The following CPPED1 variants were observed in gnomAD, a reference collection of about 807,000 sequenced individuals.
CPPED1 encodes the protein serine/threonine-protein phosphatase CPPED1.
CPPED1 carries 28 observed loss-of-function variants against 28.0 expected under a neutral mutation model. That is an observed-to-expected ratio of 1.00 (90% CI 0.74 to 1.37). The LOEUF is 1.37. Among genes scored for constraint, CPPED1 ranks in the 40% most tolerant of loss-of-function variants. The pLI is 0.00. For missense variants in CPPED1, 504 were observed against 416.5 expected, an observed-to-expected ratio of 1.21 and a Z score of -1.83; for synonymous variants, 198 against 180.2, an observed-to-expected ratio of 1.10 and a Z score of -0.79.
Position 12,734,300 on chromosome 16 carries a change from C to A in CPPED1, c.290-29251G>T, listed in dbSNP as rs144010394. Among the ~76,000 whole-genome samples the A allele has an allele frequency of 7.9e-3, 1,207 of 152,112 alleles. 19 individuals carry two copies. Among genetic ancestry groups the A allele is most frequent in the African/African-American group, 0.027 (1,132 of 41,488 alleles). On this transcript the variant is annotated intron_variant, in intron 2 of 3. Transcript: ENST00000381774. ...GGCCAGCCTGATCTCGAACTCCTGG[C>A]CTCAAGTGATCTGCCCACCTCGGCC... is the stretch of plus-strand genomic sequence containing the variant.
chr16:12,782,854 G>A (rs1445685074), intron 1 of CPPED1, among the ~76,000 whole-genome samples: 12 of 152,056 alleles, frequency 7.9e-5, no homozygotes, highest in African/African-American at 1.2e-4. Flanking sequence ...CTGGGTGACA[G>A]AATGAGACTC....
intron 2 of CPPED1, among the ~76,000 whole-genome samples, chr16:12,734,422 C>T (rs2080216322): frequency 1.3e-5 from 2 of 151,944 alleles, no homozygotes; most frequent in South Asian, 2.1e-4. Flanking sequence ...TCTTGTCGCC[C>T]AGGCTGGAGT....
rs189564142 is a variant in CPPED1 at position 12,669,022 on chromosome 16, G to A, written c.716-3907C>T. 3.7e-4 allele frequency among the ~76,000 whole-genome samples: 56 copies of A among 152,350 alleles called. 1 individual carries two copies. The highest frequency in any genetic ancestry group is 1.1e-3 in the African/African-American group (45 of 41,570). ...AAAACATTTGCCCATGCAAAAACTT[G>A]TAGGTGAGTGTTCCTAGCAGCATTT... On this transcript the variant is annotated intron_variant, in intron 3 of 3. Coordinates refer to ENST00000381774, the MANE Select transcript of CPPED1 (RefSeq NM_018340.3).
chr16:12,738,017 G>T (rs923164567), intron 2 of CPPED1, among the ~76,000 whole-genome samples: 40 of 152,188 alleles, frequency 2.6e-4, no homozygotes, highest in Non-Finnish European at 1.5e-4. Context: ...TGGTTAACAC[G>T]GTACCCGACG....
chr16:12,665,234 G>C (rs2079819309), intron 3 of CPPED1, 119 bp from the exon 4 acceptor site: 2 of 826,852 alleles, frequency 2.4e-6, no homozygotes, highest in Non-Finnish European at 3.5e-6. Context: ...CCATCATGTA[G>C]AATTATCATA....
chr16:12,787,241 A>T (rs1204005006), intron 1 of CPPED1, among the ~76,000 whole-genome samples: 1 of 152,206 alleles, frequency 6.6e-6, no homozygotes, highest in Non-Finnish European at 1.5e-5. Flanking sequence ...TTTCTGACCC[A>T]GATGATATCA....
chr16:12,769,627 G>A (rs971241695), intron 2 of CPPED1, among the ~76,000 whole-genome samples: 1 of 152,198 alleles, frequency 6.6e-6, no homozygotes, highest in Non-Finnish European at 1.5e-5. Context: ...GGGCGGCATT[G>A]TCACTGATTG....
chr16:12,774,891 G>A (rs976406124), intron 2 of CPPED1, among the ~76,000 whole-genome samples: 2 of 152,090 alleles, frequency 1.3e-5, no homozygotes, highest in African/African-American at 2.4e-5. Flanking sequence ...GCATGATCAC[G>A]GCTCACTGAA....
At chr16:12,766,242 A>AATATATATATATATATATATATAT (rs71393703) in intron 2 of CPPED1, among the ~76,000 whole-genome samples, 12 of 126,612 alleles carry the variant, frequency 9.5e-5, no homozygotes, top group African/African-American at 3.7e-4. Flanking sequence ...AAAAAATACA[A>AATATATATATATATATATATATAT]ATATATATAT....
At chr16:12,794,562 C>T (rs1367902700) in intron 1 of CPPED1, among the ~76,000 whole-genome samples, 1 of 149,962 alleles carries the variant, frequency 6.7e-6, no homozygotes, top group Non-Finnish European at 1.5e-5. Context: ...ATGCTTGGGA[C>T]CAGAAGAGTT....
chr16:12,799,863 A>G (rs572954851), intron 1 of CPPED1, among the ~76,000 whole-genome samples: 44 of 152,332 alleles, frequency 2.9e-4, no homozygotes, highest in Non-Finnish European at 5.1e-4. Context: ...CACAGAGGAG[A>G]TCAAGTGCTG....
At chr16:12,746,236 GT>G (rs1484614224) in intron 2 of CPPED1, among the ~76,000 whole-genome samples, 1 of 152,086 alleles carries the variant, frequency 6.6e-6, no homozygotes, top group Non-Finnish European at 1.5e-5. Flanking sequence ...TGACCTGGGT[GT>G]GGTGGCACAC....
intron 1 of CPPED1, among the ~76,000 whole-genome samples, chr16:12,786,480 T>C (rs1194780403): frequency 1.3e-5 from 2 of 152,216 alleles, no homozygotes; most frequent in African/African-American, 4.8e-5. Flanking sequence ...TGGTTTTGCA[T>C]ACTTCTCTGG....
At chr16:12,747,133 T>C (rs1018225397) in intron 2 of CPPED1, among the ~76,000 whole-genome samples, 14 of 149,934 alleles carry the variant, frequency 9.3e-5, no homozygotes, top group Non-Finnish European at 1.8e-4. Flanking sequence ...ATTCTACCAA[T>C]AGAAATATCA....
In CPPED1 at chr16:12,714,552, T is replaced by C. The variant is rs149910034; in HGVS notation, c.290-9503A>G. On this transcript the variant is annotated intron_variant, in intron 2 of 3. Transcript: ENST00000381774. Reference sequence around the variant, plus strand: ...CATAATGACTAATGATGCTAAACATTTGTTGTTGTGCTTACTGGCAATTTT... The same window carrying C: ...CATAATGACTAATGATGCTAAACATCTGTTGTTGTGCTTACTGGCAATTTT... Among the ~76,000 whole-genome samples, 320 of 152,338 alleles carry C rather than the reference T, an allele frequency of 2.1e-3. 2 individuals are homozygous for C. The highest frequency in any genetic ancestry group is 7.4e-3 in the African/African-American group (307 of 41,572).
chr16:12,686,130 G>C (rs2079931604), intron 3 of CPPED1, among the ~76,000 whole-genome samples: 1 of 152,190 alleles, frequency 6.6e-6, no homozygotes, highest in Non-Finnish European at 1.5e-5. Context: ...CAAAGGAACA[G>C]ATGCTATTGA....
rs2080461597 is a variant in CPPED1 at position 12,770,164 on chromosome 16, C to CA, written c.289+11020dup. 2.0e-5 allele frequency among the ~76,000 whole-genome samples: 3 copies of CA among 152,298 alleles called. No homozygotes were observed. In the South Asian group the frequency reaches 6.2e-4, roughly 32 times the overall value. On this transcript the variant is annotated intron_variant, in intron 2 of 3. Coordinates refer to ENST00000381774, the MANE Select transcript of CPPED1 (RefSeq NM_018340.3). The stretch of plus-strand genomic sequence containing the variant: ...GATAGCATGGAAGAAAAGTCCTGGT[C>CA]AGTCCCTGTCCCTGAGAGATGTTCC...
intron 3 of CPPED1, among the ~76,000 whole-genome samples, chr16:12,699,521 G>C (rs2080009216): frequency 6.6e-6 from 1 of 152,132 alleles, no homozygotes; most frequent in Non-Finnish European, 1.5e-5. Context: ...GCAACAATGA[G>C]AGATGATTGT....
intron 2 of CPPED1, among the ~76,000 whole-genome samples, chr16:12,730,465 T>G (rs995374470): frequency 6.6e-6 from 1 of 152,176 alleles, no homozygotes; most frequent in Admixed American, 6.5e-5. Flanking sequence ...AATGAGGGTG[T>G]TGGTCTATTA....
Sources: allele counts gnomAD v4.1 joint callset (sites outside exome capture counted in the v4.1 genomes callset), GRCh38; gene constraint gnomAD v4.1.1; transcripts MANE v1.5; gene names NCBI Gene and HGNC (gene_info 2026-07-23, HGNC 2026-07-21).